Variants in CIB1 observed in about 807,000 individuals in gnomAD.
CIB1 encodes calcium and integrin-binding protein 1.
In CIB1, 19 loss-of-function variants were observed where a neutral mutation model predicts 25.0. That is an observed-to-expected ratio of 0.76 (90% CI 0.53 to 1.12). CIB1 has a LOEUF of 1.12. Ranked by LOEUF, CIB1 falls within the 50% of genes most tolerant of loss-of-function variation. The pLI is 0.00. For missense variants in CIB1, 236 were observed against 242.6 expected (o/e 0.97, Z 0.18); for synonymous variants, 104 against 98.5 (o/e 1.06, Z -0.33).
At chr15:90,256,614 C>T in the CIB1 span, among the ~76,000 whole-genome samples, 4,517 of 41,282 alleles carry the variant, frequency 0.11, 246 homozygotes, top group African/African-American at 0.31. Context: ...TCTTTCCTTC[C>T]TTCCTTCCTT....
At chr15:90,258,220 T>G in the CIB1 span, 3 of 1,614,272 alleles carry the variant, frequency 1.9e-6, no homozygotes, top group Admixed American at 3.3e-5. Flanking sequence ...TTTGAAATCC[T>G]TGGTTTTGAC....
chr15:90,231,658 G>T, intron 3 of CIB1, 151 bp from the exon 4 acceptor site: 1 of 887,372 alleles, frequency 1.1e-6, no homozygotes, highest in Non-Finnish European at 1.7e-6. Flanking sequence ...ATGGAGGGCA[G>T]TGGGGGCACA....
At chr15:90,241,057 T>C in the CIB1 span, 1 of 1,614,142 alleles carries the variant, frequency 6.2e-7, no homozygotes, top group Non-Finnish European at 8.5e-7. Flanking sequence ...GCACCTGGCA[T>C]CCCAGATGCT....
At position 90,231,392 on chromosome 15, in the gene CIB1, G is replaced by C. The variant is rs975619732; in HGVS notation, c.311C>G (p.Pro104Arg). ...GAAGGCATAATGGGACTTGATGTCT[G>C]GCGTGGCTGTGTCACTGAACACACT... Reference protein sequence around the residue: ...LLSVFSDTATPDIKSHYAFRI... With the variant: ...LLSVFSDTATRDIKSHYAFRI... Residue 104 changes from proline to arginine, a missense_variant, in exon 4 of 7, where the codon CCA becomes CGA. By Grantham distance (103) the Pro-to-Arg change is moderately radical (BLOSUM62 -2). Coordinates refer to ENST00000328649, the MANE Select transcript of CIB1 (RefSeq NM_006384.4). The C allele has an allele frequency of 1.2e-6, 2 of 1,614,100 alleles. No homozygotes were observed. Among genetic ancestry groups the C allele is most frequent in the African/African-American group, 2.7e-5 (2 of 74,936 alleles).
chr15:90,256,304 G>T, the CIB1 span: 1 of 1,614,098 alleles, frequency 6.2e-7, no homozygotes, highest in South Asian at 1.1e-5. Context: ...CAAGGTGAAG[G>T]ATGCCTCAGG....
chr15:90,250,512 C>T, the CIB1 span: 4 of 1,307,554 alleles, frequency 3.1e-6, no homozygotes, highest in Non-Finnish European at 4.2e-6. Flanking sequence ...AGCAACTTTC[C>T]CTTATAACAG....
At chr15:90,255,911 G>A in the CIB1 span, 4 of 1,613,882 alleles carry the variant, frequency 2.5e-6, no homozygotes, top group Non-Finnish European at 3.4e-6. Context: ...TTCCCATGCT[G>A]AGATACCAGG....
At chr15:90,244,680 G>A in the CIB1 span, 30,653 of 151,920 alleles carry the variant, frequency 0.2, 3,816 homozygotes, top group African/African-American at 0.35. Context: ...AAAATTAGGC[G>A]TTGTGGCGGC....
chr15:90,265,693 G>A, the CIB1 span: 1 of 1,612,950 alleles, frequency 6.2e-7, no homozygotes, highest in South Asian at 1.1e-5. Context: ...GCCGACTGCT[G>A]AAGGCTGGTT....
At chr15:90,257,641 A>G in the CIB1 span, 3 of 1,614,140 alleles carry the variant, frequency 1.9e-6, no homozygotes, top group Non-Finnish European at 2.5e-6. Flanking sequence ...CCACAGGACA[A>G]TGTCTGCATG....
chr15:90,254,165 C>CCTG, the CIB1 span, among the ~76,000 whole-genome samples: 1 of 149,086 alleles, frequency 6.7e-6, no homozygotes, highest in Non-Finnish European at 1.5e-5. Flanking sequence ...TACACTCCAG[C>CCTG]CTGTGTGACA....
the CIB1 span, among the ~76,000 whole-genome samples, chr15:90,246,423 G>A: frequency 3.3e-5 from 5 of 152,136 alleles, no homozygotes; most frequent in Non-Finnish European, 5.9e-5. Context: ...CTTTGCATTT[G>A]AGGAAGAATA....
At chr15:90,234,169 G>GT (rs1491209066), upstream of CIB1, 3 of 30,614 alleles carry the variant, frequency 9.8e-5, no homozygotes, top group Non-Finnish European at 1.4e-4. Flanking sequence ...CGGGGTGGGA[G>GT]GGGGGGGCGG....
At chr15:90,239,297 G>A in the CIB1 span, among the ~76,000 whole-genome samples, 1 of 141,456 alleles carries the variant, frequency 7.1e-6, no homozygotes, top group Admixed American at 7.4e-5. Context: ...ATCTATATGA[G>A]ACATAAAATG....
chr15:90,250,063 T>C, the CIB1 span, among the ~76,000 whole-genome samples: 20 of 151,972 alleles, frequency 1.3e-4, no homozygotes, highest in South Asian at 3.7e-3. Context: ...GTTCAAGTGA[T>C]TCTCCTCCCT....
the CIB1 span, among the ~76,000 whole-genome samples, chr15:90,252,092 T>C: frequency 1.4e-5 from 2 of 144,910 alleles, no homozygotes; most frequent in African/African-American, 2.5e-5. Flanking sequence ...CAGGCTGGAA[T>C]GCAATGGCGT....
At chr15:90,262,851 TC>T in the CIB1 span, 5 of 1,308,056 alleles carry the variant, frequency 3.8e-6, no homozygotes, top group Non-Finnish European at 5.1e-6. Context: ...AAAGGAACCT[TC>T]CTGGGTCAGG....
upstream of CIB1, among the ~76,000 whole-genome samples, chr15:90,237,721 G>A (rs190405839): frequency 2.8e-4 from 42 of 150,876 alleles, no homozygotes; most frequent in East Asian, 5.0e-3. Flanking sequence ...TCCTTTTTTT[G>A]GTTTTGTATT....
At chr15:90,256,333 T>A in the CIB1 span, 1 of 1,612,882 alleles carries the variant, frequency 6.2e-7, no homozygotes, top group Non-Finnish European at 8.5e-7. Flanking sequence ...CCTTCCCTAG[T>A]CCCCAGCACT....
Sources: allele counts gnomAD v4.1 joint callset (sites outside exome capture counted in the v4.1 genomes callset), GRCh38; gene constraint gnomAD v4.1.1; transcripts MANE v1.5; gene names NCBI Gene and HGNC (gene_info 2026-07-23, HGNC 2026-07-21).